SVEP1: variants seen among roughly 807,000 people sequenced by gnomAD.
The protein encoded by SVEP1 is sushi, von Willebrand factor type A, EGF and pentraxin domain-containing protein 1.
In SVEP1, 164 loss-of-function variants were observed where a neutral mutation model predicts 367.3. The ratio of observed to expected loss-of-function variants is 0.45; its 90% CI spans 0.39 to 0.51. The LOEUF is 0.51. Among genes scored for constraint, SVEP1 ranks in the 20% least tolerant of loss-of-function variants. The pLI is 0.00. For missense variants in SVEP1, 4,117 were observed against 4,425.3 expected, an observed-to-expected ratio of 0.93 and a Z score of 1.98; for synonymous variants, 1,666 against 1,611.6, an observed-to-expected ratio of 1.03 and a Z score of -0.81.
intron 1 of SVEP1, among the ~76,000 whole-genome samples, chr9:110,563,211 T>C (rs1830452064): frequency 6.6e-6 from 1 of 152,200 alleles, no homozygotes; most frequent in Non-Finnish European, 1.5e-5. Flanking sequence ...AAGGTAATTT[T>C]AGAGGAATCT....
intron 45 of SVEP1, 24 bp downstream of exon 45, chr9:110,377,247 A>C (rs756417935): frequency 2.5e-6 from 4 of 1,607,238 alleles, no homozygotes. Context: ...CAGGACTCAA[A>C]GTAAGATCTG....
intron 38 of SVEP1, among the ~76,000 whole-genome samples, chr9:110,404,959 G>C (rs765621592): frequency 5.3e-5 from 8 of 152,164 alleles, no homozygotes; most frequent in Non-Finnish European, 1.2e-4. Flanking sequence ...TAAGGAGGTT[G>C]AGGCTGCAGT....
chr9:110,507,546 A>C (rs1330738811), intron 5 of SVEP1, among the ~76,000 whole-genome samples: 1 of 152,112 alleles, frequency 6.6e-6, no homozygotes, highest in Non-Finnish European at 1.5e-5. Context: ...TAGATCATAA[A>C]CCCTAGCCTC....
intron 3 of SVEP1, among the ~76,000 whole-genome samples, chr9:110,534,272 T>C (rs1830054752): frequency 6.6e-6 from 1 of 152,160 alleles, no homozygotes; most frequent in Non-Finnish European, 1.5e-5. Flanking sequence ...AGTAAGAACA[T>C]GTGGTGTTTG....
At chr9:110,482,208 G>A (rs1159535470) in intron 11 of SVEP1, among the ~76,000 whole-genome samples, 153 bp downstream of exon 11, 1 of 152,124 alleles carries the variant, frequency 6.6e-6, no homozygotes, top group African/African-American at 2.4e-5. Flanking sequence ...ACAAGGTCAA[G>A]GAATGACAAT....
chr9:110,561,801 C>G (rs753515292), intron 1 of SVEP1, among the ~76,000 whole-genome samples: 1 of 152,156 alleles, frequency 6.6e-6, no homozygotes, highest in Non-Finnish European at 1.5e-5. Context: ...CCTATTTATA[C>G]TGTAATTTTA....
At chr9:110,449,594 A>G (rs1473434076) in intron 24 of SVEP1, among the ~76,000 whole-genome samples, 1 of 152,198 alleles carries the variant, frequency 6.6e-6, no homozygotes, top group East Asian at 1.9e-4. Flanking sequence ...GAGGCAGGAG[A>G]ATCGCTTTAA....
At chr9:110,554,165 C>A (rs936743280) in intron 1 of SVEP1, among the ~76,000 whole-genome samples, 1 of 149,738 alleles carries the variant, frequency 6.7e-6, no homozygotes, top group South Asian at 2.1e-4. Context: ...GCTGCTATAG[C>A]TTTATACTAT....
intron 3 of SVEP1, among the ~76,000 whole-genome samples, chr9:110,540,150 A>G (rs544471045): frequency 3.9e-5 from 6 of 152,228 alleles, no homozygotes; most frequent in African/African-American, 1.4e-4. Context: ...TCTCATCACC[A>G]TCATCATTAT....
At chr9:110,456,639 A>G (rs1320253394) in intron 21 of SVEP1, among the ~76,000 whole-genome samples, 1 of 152,226 alleles carries the variant, frequency 6.6e-6, no homozygotes, top group Non-Finnish European at 1.5e-5. Flanking sequence ...ATTGAAAAAA[A>G]CTGTCTAGAA....
chr9:110,509,237 A>T (rs978079162), intron 5 of SVEP1, among the ~76,000 whole-genome samples: 1 of 152,238 alleles, frequency 6.6e-6, no homozygotes, highest in Non-Finnish European at 1.5e-5. Context: ...AAAATGTTTT[A>T]AAAAATGTGT....
At chr9:110,427,855 G>C in intron 35 of SVEP1, 97 bp from the exon 36 acceptor site, 1 of 1,401,150 alleles carries the variant, frequency 7.1e-7, no homozygotes, top group Non-Finnish European at 9.6e-7. Context: ...GGACATTTGA[G>C]GAATTTGAGT....
At chr9:110,517,595 C>CT (rs1285794110) in intron 3 of SVEP1, among the ~76,000 whole-genome samples, 10 of 64,416 alleles carry the variant, frequency 1.6e-4, no homozygotes, top group African/African-American at 7.0e-4. Context: ...AAGACGCTAT[C>CT]TCAAAAAAAA....
intron 1 of SVEP1, among the ~76,000 whole-genome samples, chr9:110,550,838 T>A (rs1830277176): frequency 6.6e-6 from 1 of 152,206 alleles, no homozygotes; most frequent in Admixed American, 6.5e-5. Flanking sequence ...CTTCCTTCTC[T>A]ACAGATAGAA....
At chr9:110,529,026 T>G (rs1327405839) in intron 3 of SVEP1, among the ~76,000 whole-genome samples, 2 of 152,070 alleles carry the variant, frequency 1.3e-5, no homozygotes, top group East Asian at 3.8e-4. Flanking sequence ...TTTAAGTCTT[T>G]CATCCATTTT....
chr9:110,434,676 A>AAAAAAAAAAAAAAC (rs1828406181), intron 29 of SVEP1, among the ~76,000 whole-genome samples, 170 bp from the exon 30 acceptor site: 1 of 149,722 alleles, frequency 6.7e-6, no homozygotes, highest in Non-Finnish European at 1.5e-5. Context: ...TAAAAAAAAA[A>AAAAAAAAAAAAAAC]AAAAAAAAAA....
At chr9:110,492,681 CCATGGGGCAAGG>C (rs1449144563) in intron 8 of SVEP1, among the ~76,000 whole-genome samples, 1 of 151,862 alleles carries the variant, frequency 6.6e-6, no homozygotes, top group Non-Finnish European at 1.5e-5. Context: ...CCTGTCTTCT[CCATGGGGCAAGG>C]AATGGGGAGG....
Position 110,430,377 on chromosome 9 carries a change from G to A in SVEP1, c.5427C>T (p.Ala1809=), listed in dbSNP as rs201041915. The change falls in exon 33 of 48, where the codon GCC becomes GCT. Residue 1809 remains alanine, a synonymous_variant. Transcript: ENST00000374469. Reference sequence around the variant, plus strand: ...CTTCCTGACACGAAAATGTGACTTCGGCACCTACTGTATAAATCTCACCTG... The same window carrying A: ...CTTCCTGACACGAAAATGTGACTTCAGCACCTACTGTATAAATCTCACCTG... ...HSSGEIYTVG[A]EVTFSCQEGY... 104 of 1,613,186 alleles carry A rather than the reference G, an allele frequency of 6.4e-5. No homozygotes were observed. The East Asian group carries it at 8.7e-4, about 13-fold the overall frequency.
At chr9:110,451,667 T>C (rs1014212084) in intron 22 of SVEP1, among the ~76,000 whole-genome samples, 5 of 152,174 alleles carry the variant, frequency 3.3e-5, no homozygotes, top group African/African-American at 1.2e-4. Context: ...AAAAGATGTG[T>C]GATTTTGTTT....
Sources: allele counts gnomAD v4.1 joint callset (sites outside exome capture counted in the v4.1 genomes callset), GRCh38; gene constraint gnomAD v4.1.1; transcripts MANE v1.5; gene names NCBI Gene and HGNC (gene_info 2026-07-23, HGNC 2026-07-21).